The following MTHFD2L variants were observed in gnomAD, a reference collection of about 807,000 sequenced individuals.
MTHFD2L encodes the protein methylenetetrahydrofolate dehydrogenase (NADP+ dependent) 2 like.
In MTHFD2L, 29 loss-of-function variants were observed where a neutral mutation model predicts 34.9. The observed-to-expected ratio is 0.83, with a 90% CI of 0.62 to 1.13. The LOEUF is 1.13. MTHFD2L is among the 50% of genes most tolerant of loss of function. The probability of loss-of-function intolerance (pLI) is 0.00; values close to 1 mark genes in which losing one functional copy is unlikely to be tolerated. For missense variants in MTHFD2L, 481 were observed against 446.5 expected, an observed-to-expected ratio of 1.08 and a Z score of -0.70; for synonymous variants, 167 against 155.7, an observed-to-expected ratio of 1.07 and a Z score of -0.54.
chr4:74,148,709 C>G (rs899910216), intron 1 of MTHFD2L, among the ~76,000 whole-genome samples: 1 of 147,124 alleles, frequency 6.8e-6, no homozygotes, highest in Non-Finnish European at 1.5e-5. Context: ...ATGCACGTAT[C>G]TTATGACCCT....
intron 3 of MTHFD2L, chr4:74,190,379 A>G: frequency 1.4e-6 from 1 of 701,010 alleles, no homozygotes; most frequent in Non-Finnish European, 1.8e-6. Context: ...GTAGGTTCCA[A>G]CTTCATTAAT....
At chr4:74,207,152 CA>C (rs1470265721) in intron 5 of MTHFD2L, among the ~76,000 whole-genome samples, 1 of 152,016 alleles carries the variant, frequency 6.6e-6, no homozygotes. Flanking sequence ...TGCCTGCCTC[CA>C]CCTCTCAAAA....
intron 5 of MTHFD2L, among the ~76,000 whole-genome samples, chr4:74,218,453 G>GAA (rs1223634180): frequency 6.6e-6 from 1 of 152,094 alleles, no homozygotes; most frequent in Non-Finnish European, 1.5e-5. Flanking sequence ...GAGAGCCACT[G>GAA]AAAAAGTATA....
intron 1 of MTHFD2L, among the ~76,000 whole-genome samples, chr4:74,149,938 G>A (rs1723829291): frequency 6.6e-6 from 1 of 152,162 alleles, no homozygotes; most frequent in South Asian, 2.1e-4. Context: ...TTAACCTAGT[G>A]GGCTCAATCA....
chr4:74,159,801 G>T (rs1725012863), intron 1 of MTHFD2L, among the ~76,000 whole-genome samples: 1 of 152,172 alleles, frequency 6.6e-6, no homozygotes, highest in Non-Finnish European at 1.5e-5. Flanking sequence ...TTTCAGCCCG[G>T]CTGCTTTCAG....
chr4:74,185,344 A>G (rs1254878542), intron 3 of MTHFD2L, among the ~76,000 whole-genome samples: 1 of 151,992 alleles, frequency 6.6e-6, no homozygotes, highest in Non-Finnish European at 1.5e-5. Context: ...TAAGGGAAAT[A>G]CACAGCACTA....
chr4:74,251,013 A>G (rs1268897249), intron 6 of MTHFD2L, among the ~76,000 whole-genome samples: 2 of 152,056 alleles, frequency 1.3e-5, no homozygotes, highest in African/African-American at 2.4e-5. Flanking sequence ...TATCCCTTGT[A>G]TTTTTTATTT....
At chr4:74,244,072 T>C (rs912652323) in intron 6 of MTHFD2L, among the ~76,000 whole-genome samples, 1 of 152,184 alleles carries the variant, frequency 6.6e-6, no homozygotes, top group Non-Finnish European at 1.5e-5. Context: ...TGGGGGTGGG[T>C]TCTCAAATGA....
At chr4:74,250,925 G>T (rs1273161795) in intron 6 of MTHFD2L, among the ~76,000 whole-genome samples, 1 of 152,142 alleles carries the variant, frequency 6.6e-6, no homozygotes, top group African/African-American at 2.4e-5. Context: ...GAGTTCTGTG[G>T]CAAAATGGGA....
chr4:74,214,602 C>T (rs563290074), intron 5 of MTHFD2L, among the ~76,000 whole-genome samples: 3 of 151,886 alleles, frequency 2.0e-5, no homozygotes, highest in East Asian at 1.9e-4. Flanking sequence ...GAGGGGCCCC[C>T]GCCAGATGCC....
chr4:74,160,681 A>G (rs2109892399), intron 1 of MTHFD2L: 1 of 152,210 alleles, frequency 6.6e-6, no homozygotes, highest in East Asian at 1.9e-4. Flanking sequence ...TTAAAAATGA[A>G]AAAAAAAGTC....
intron 6 of MTHFD2L, among the ~76,000 whole-genome samples, chr4:74,267,494 G>T (rs1291564416): frequency 6.6e-6 from 1 of 151,260 alleles, no homozygotes; most frequent in African/African-American, 2.4e-5. Flanking sequence ...TCAATCCACC[G>T]CCCACCCCTG....
chr4:74,225,746 C>G (rs1739049621), intron 6 of MTHFD2L, among the ~76,000 whole-genome samples: 1 of 152,044 alleles, frequency 6.6e-6, no homozygotes, highest in African/African-American at 2.4e-5. Context: ...CTTGTATTTT[C>G]AAGTTGTATC....
At chr4:74,258,389 AACAC>A (rs141804252) in intron 6 of MTHFD2L, among the ~76,000 whole-genome samples, 1 of 149,228 alleles carries the variant, frequency 6.7e-6, no homozygotes, top group African/African-American at 2.4e-5. Context: ...ATAGGCACAT[AACAC>A]ACACACACAC....
At chr4:74,209,385 C>T (rs1735912691) in intron 5 of MTHFD2L, among the ~76,000 whole-genome samples, 2 of 152,098 alleles carry the variant, frequency 1.3e-5, no homozygotes, top group South Asian at 4.2e-4. Context: ...TGATGTTCCC[C>T]TCCCTGTGTC....
intron 6 of MTHFD2L, chr4:74,267,680 C>G: frequency 1.0e-6 from 1 of 981,398 alleles, no homozygotes; most frequent in Non-Finnish European, 1.2e-6. Context: ...GGCGATCCTC[C>G]CACCTTGGCC....
chr4:74,262,614 T>C (rs1744816312), intron 6 of MTHFD2L, among the ~76,000 whole-genome samples: 1 of 151,926 alleles, frequency 6.6e-6, no homozygotes, highest in Non-Finnish European at 1.5e-5. Context: ...CTAATACACA[T>C]GTAAAAATTG....
chr4:74,235,556 A>G (rs1740715808), intron 6 of MTHFD2L, among the ~76,000 whole-genome samples: 1 of 152,080 alleles, frequency 6.6e-6, no homozygotes, highest in South Asian at 2.1e-4. Context: ...TCTGTTCTGG[A>G]GTGATAATTT....
chr4:74,267,020 G>A, intron 6 of MTHFD2L: 1 of 985,394 alleles, frequency 1.0e-6, no homozygotes, highest in Non-Finnish European at 1.2e-6. Flanking sequence ...TTGGCTGGTA[G>A]CAGAGCTCCC....
Sources: gnomAD v4.1 joint callset for allele counts (sites outside exome capture counted in the v4.1 genomes callset) on GRCh38, gnomAD v4.1.1 for gene constraint, MANE v1.5 for transcripts, NCBI Gene and HGNC (gene_info 2026-07-23, HGNC 2026-07-21) for gene names.